Variants in ANK3 observed in about 807,000 individuals in gnomAD.
ANK3 encodes ankyrin 3.
Under a neutral mutation model 370.9 loss-of-function variants are expected in ANK3, and 57 were observed. The ratio of observed to expected loss-of-function variants is 0.15; its 90% confidence interval spans 0.12 to 0.19. The LOEUF is 0.19. Ranked by LOEUF, ANK3 falls within the 10% of genes least tolerant of loss-of-function variation. ANK3 has a pLI of 1.00. For synonymous variants in ANK3, 1,929 were observed against 1,946.3 expected (o/e 0.99, Z 0.23); for missense variants, 4,439 against 5,302.1 (o/e 0.84, Z 5.06).
intron 2 of ANK3, among the ~76,000 whole-genome samples, chr10:60,436,579 C>T (rs1026205221): frequency 3.3e-5 from 5 of 152,102 alleles, no homozygotes; most frequent in African/African-American, 4.8e-5. Flanking sequence ...TCTTTCATGT[C>T]GTTGTTGGCC....
intron 42 of ANK3, among the ~76,000 whole-genome samples, chr10:60,050,065 T>A (rs1023137913): frequency 6.6e-6 from 1 of 152,184 alleles, no homozygotes; most frequent in African/African-American, 2.4e-5. Flanking sequence ...CTTTAAAATA[T>A]CATATCTTGA....
chr10:60,706,994 T>A (rs905598700), intron 1 of ANK3, among the ~76,000 whole-genome samples: 2 of 152,214 alleles, frequency 1.3e-5, no homozygotes, highest in African/African-American at 4.8e-5. Context: ...TACATGCTTA[T>A]GTTTCAAACC....
chr10:60,647,268 G>T (rs914022917), intron 1 of ANK3, among the ~76,000 whole-genome samples: 1 of 152,178 alleles, frequency 6.6e-6, no homozygotes, highest in African/African-American at 2.4e-5. Context: ...AAATTGCTCA[G>T]ATCTCATTTA....
At chr10:60,638,090 A>C (rs146133465) in intron 1 of ANK3, among the ~76,000 whole-genome samples, 4,235 of 152,320 alleles carry the variant, frequency 0.028, 74 homozygotes, top group Non-Finnish European at 0.045. Flanking sequence ...AGTGAACTGC[A>C]CTGAAGGTTC....
At chr10:60,065,189 G>A (rs868623001) in intron 38 of ANK3, among the ~76,000 whole-genome samples, 3 of 152,214 alleles carry the variant, frequency 2.0e-5, no homozygotes, top group African/African-American at 4.8e-5. Flanking sequence ...CCATCTACTC[G>A]TATACACTCA....
intron 1 of ANK3, among the ~76,000 whole-genome samples, chr10:60,343,251 T>C (rs1393254147): frequency 6.6e-6 from 1 of 152,138 alleles, no homozygotes; most frequent in Non-Finnish European, 1.5e-5. Context: ...GTCAATAATC[T>C]AAAGTTAGTG....
chr10:60,524,178 T>C (rs1375611344), intron 2 of ANK3, among the ~76,000 whole-genome samples: 1 of 152,120 alleles, frequency 6.6e-6, no homozygotes, highest in African/African-American at 2.4e-5. Flanking sequence ...AATAAGAATC[T>C]CCTGGACTAA....
At chr10:60,474,752 T>C (rs773357845) in intron 2 of ANK3, among the ~76,000 whole-genome samples, 3 of 152,184 alleles carry the variant, frequency 2.0e-5, no homozygotes, top group Non-Finnish European at 4.4e-5. Context: ...TATTTGTTTT[T>C]TAAATATTCC....
intron 23 of ANK3, among the ~76,000 whole-genome samples, chr10:60,150,917 C>T (rs746987403): frequency 3.9e-5 from 6 of 152,086 alleles, no homozygotes; most frequent in African/African-American, 9.7e-5. Flanking sequence ...CACAGAATCT[C>T]GAGTAGAAAG....
chr10:60,528,339 T>C (rs138328690), intron 2 of ANK3, among the ~76,000 whole-genome samples: 3,548 of 152,100 alleles, frequency 0.023, 160 homozygotes, highest in African/African-American at 0.081. Flanking sequence ...TTTCTCCATG[T>C]TGGCCAGGCT....
At chr10:60,296,460 A>C (rs2042536217) in intron 1 of ANK3, among the ~76,000 whole-genome samples, 1 of 152,180 alleles carries the variant, frequency 6.6e-6, no homozygotes, top group Non-Finnish European at 1.5e-5. Flanking sequence ...CTGGTCACTA[A>C]AATGGAAAGT....
intron 1 of ANK3, among the ~76,000 whole-genome samples, chr10:60,314,896 T>C (rs1261350428): frequency 2.0e-5 from 3 of 152,226 alleles, no homozygotes; most frequent in Non-Finnish European, 4.4e-5. Context: ...AGGAAAACGC[T>C]TGTGTTCTGG....
At position 60,073,217 on chromosome 10, in the gene ANK3, A is replaced by G. The variant is rs146874315; in HGVS notation, c.7664T>C (p.Met2555Thr). 72 of 1,614,012 alleles carry G rather than the reference A, an allele frequency of 4.5e-5. No homozygotes were observed. Among genetic ancestry groups the G allele is most frequent in the Admixed American group, 1.7e-5 (1 of 59,990 alleles). The change falls in exon 37 of 44, where the codon ATG becomes ACG. Residue 2555 changes from methionine to threonine, a missense_variant. By Grantham distance (81) the Met-to-Thr change is moderately conservative. Transcript: ENST00000280772. ...TCTGTCCTCAGTAAAGCGCATCCAC[A>G]TGGCATGTTTTGGACTACTAACATT... is the stretch of plus-strand genomic sequence containing the variant. ...SGNVSSPKHA[M>T]WMRFTEDRLD...
intron 1 of ANK3, among the ~76,000 whole-genome samples, chr10:60,644,358 G>C (rs543920828): frequency 1.2e-3 from 177 of 152,244 alleles, no homozygotes; most frequent in Admixed American, 2.7e-3. Flanking sequence ...ATTTTAAAAT[G>C]TTTTCAAGTA....
chr10:60,169,375 T>G (rs1055677078), intron 21 of ANK3, among the ~76,000 whole-genome samples: 2 of 150,486 alleles, frequency 1.3e-5, no homozygotes, highest in African/African-American at 4.9e-5. Context: ...TTTTTTTTTT[T>G]TTTTTTTTTT....
chr10:60,190,356 G>A (rs2096454180), intron 16 of ANK3, among the ~76,000 whole-genome samples: 1 of 152,180 alleles, frequency 6.6e-6, no homozygotes, highest in Admixed American at 6.5e-5. Context: ...GAATGCCTGA[G>A]CTTCCCTGGA....
intron 1 of ANK3, among the ~76,000 whole-genome samples, chr10:60,661,273 A>T (rs961781463): frequency 6.6e-6 from 1 of 152,096 alleles, no homozygotes; most frequent in East Asian, 1.9e-4. Context: ...TTACAAAAAT[A>T]GTATATTTAT....
At chr10:60,101,956 CA>C (rs1474761086) in intron 28 of ANK3, among the ~76,000 whole-genome samples, 1 of 151,824 alleles carries the variant, frequency 6.6e-6, no homozygotes, top group Non-Finnish European at 1.5e-5. Context: ...CATACAGAGG[CA>C]AAGGAGCAGT....
chr10:60,691,405 A>G (rs2079350621), intron 1 of ANK3, among the ~76,000 whole-genome samples: 2 of 152,222 alleles, frequency 1.3e-5, no homozygotes, highest in South Asian at 4.1e-4. Context: ...GACTGAGAGG[A>G]TCAATATCTC....
Sources: gnomAD v4.1 joint callset for allele counts (sites outside exome capture counted in the v4.1 genomes callset) on GRCh38, gnomAD v4.1.1 for gene constraint, MANE v1.5 for transcripts, NCBI Gene and HGNC (gene_info 2026-07-23, HGNC 2026-07-21) for gene names.